TMEM182: variants seen among roughly 807,000 people sequenced by gnomAD.
The protein encoded by TMEM182 is transmembrane protein 182.
In TMEM182, 20 loss-of-function variants were observed where a neutral mutation model predicts 26.8. The ratio of observed to expected loss-of-function variants is 0.75; its 90% CI spans 0.53 to 1.09. The LOEUF is 1.09. Among genes scored for constraint, TMEM182 ranks in the 50% least tolerant of loss-of-function variants. The pLI, the probability that TMEM182 is intolerant of heterozygous loss-of-function variation, is 0.00. For missense variants in TMEM182, 277 were observed against 275.5 expected, an observed-to-expected ratio of 1.01 and a Z score of -0.04; for synonymous variants, 109 against 102.2, an observed-to-expected ratio of 1.07 and a Z score of -0.40.
chr2:102,799,813 G>T (rs1324786539), intron 4 of TMEM182, among the ~76,000 whole-genome samples: 3 of 152,160 alleles, frequency 2.0e-5, no homozygotes, highest in Non-Finnish European at 4.4e-5. Context: ...AGGTTTCGTG[G>T]CTGGCTTTGG....
chr2:102,817,808 T>A (rs969745331), downstream of TMEM182: 173 of 719,632 alleles, frequency 2.4e-4, 1 homozygote, highest in Admixed American at 1.3e-4. Flanking sequence ...AGAGATACAT[T>A]GAATGGTATA....
At chr2:102,839,799 C>T (rs1990587) in intron 3 of TMEM182, among the ~76,000 whole-genome samples, 1 of 152,160 alleles carries the variant, frequency 6.6e-6, no homozygotes, top group African/African-American at 2.4e-5. Context: ...GGTGCTATCA[C>T]TCTCAGCGTG....
rs1225442118 is a variant in TMEM182, at chr2:102,815,905, GC to G, written c.*940del. On this transcript the variant is annotated 3_prime_UTR_variant, in exon 5 of 5. Transcript: ENST00000412401. Reference sequence around the variant, plus strand: ...GTACTTCCATATGAGGATTATAATAGCCCTGCTTTATTAAAGACCATAAAAT... The same window carrying G: ...GTACTTCCATATGAGGATTATAATAGCCTGCTTTATTAAAGACCATAAAAT... 5.3e-6 allele frequency: 5 copies of G among 950,414 alleles called. No individual in the cohort carries two copies. Among genetic ancestry groups the G allele is most frequent in the Non-Finnish European group, 6.3e-6 (5 of 798,574 alleles). The allele number at this position is 950,414 out of a possible 1,614,324, so 58.9% of individuals were successfully genotyped here.
chr2:102,813,119 G>A (rs1682614164), intron 4 of TMEM182, among the ~76,000 whole-genome samples: 1 of 152,148 alleles, frequency 6.6e-6, no homozygotes, highest in Non-Finnish European at 1.5e-5. Context: ...TTTCTTATTA[G>A]CGAAGCATCT....
chr2:102,797,888 G>T lies in TMEM182; in HGVS notation c.357G>T (p.Leu119=), dbSNP rs1558777925. 8.7e-6 allele frequency: 14 copies of T among 1,613,780 alleles called. No homozygotes were observed. Among genetic ancestry groups the T allele is most frequent in the Non-Finnish European group, 1.2e-5 (14 of 1,179,938 alleles). Residue 119 remains leucine (L), a synonymous_variant, in exon 4 of 5, where the codon CTG becomes CTT. Coordinates refer to ENST00000412401, the MANE Select transcript of TMEM182 (RefSeq NM_144632.5). Reference sequence around the variant, plus strand: ...TTTACCGTGGTTTCTGGGCAGTCCTGATGCTCCTGGGGGTAGTTGCTGTAG... The same window carrying T: ...TTTACCGTGGTTTCTGGGCAGTCCTTATGCTCCTGGGGGTAGTTGCTGTAG... ...AVIYRGFWAV[L]MLLGVVAVVI...
intron 1 of TMEM182, among the ~76,000 whole-genome samples, chr2:102,756,139 G>A (rs1680023765): frequency 6.6e-6 from 1 of 152,348 alleles, no homozygotes; most frequent in East Asian, 1.9e-4. Flanking sequence ...ATTGGTGTGG[G>A]AGCAATGGGA....
chr2:102,810,177 G>A (rs1303837595), intron 4 of TMEM182, among the ~76,000 whole-genome samples: 2 of 151,996 alleles, frequency 1.3e-5, no homozygotes, highest in Non-Finnish European at 2.9e-5. Context: ...CAATAATAAA[G>A]CAGTTTGATA....
intron 3 of TMEM182, among the ~76,000 whole-genome samples, chr2:102,790,203 T>C (rs1027416712): frequency 7.2e-5 from 11 of 152,238 alleles, no homozygotes; most frequent in African/African-American, 2.7e-4. Context: ...GTTTGCTAAA[T>C]TAAGTGGCTT....
intron 3 of TMEM182, among the ~76,000 whole-genome samples, chr2:102,794,763 G>A (rs1681798729): frequency 6.6e-6 from 1 of 151,944 alleles, no homozygotes; most frequent in Admixed American, 6.6e-5. Flanking sequence ...TTATTATTAT[G>A]TGTCTTGACT....
chr2:102,757,169 C>T (rs3095521), upstream of TMEM182, among the ~76,000 whole-genome samples: 47,973 of 151,946 alleles, frequency 0.32, 8,456 homozygotes, highest in African/African-American at 0.48. Context: ...GGGGAGCAGA[C>T]CTGCTACCTA....
chr2:102,776,249 G>A (rs377241779), intron 3 of TMEM182, among the ~76,000 whole-genome samples: 34 of 152,156 alleles, frequency 2.2e-4, no homozygotes, highest in African/African-American at 8.2e-4. Context: ...TGACAAGTGT[G>A]TAATGGCATG....
At chr2:102,778,180 C>T (rs2732854) in intron 3 of TMEM182, among the ~76,000 whole-genome samples, 82,286 of 151,162 alleles carry the variant, frequency 0.54, 22,968 homozygotes, top group African/African-American at 0.66. Context: ...TCACTTATTT[C>T]ATAGCTCTGT....
At chr2:102,787,012 A>G (rs1681423345) in intron 3 of TMEM182, among the ~76,000 whole-genome samples, 1 of 152,228 alleles carries the variant, frequency 6.6e-6, no homozygotes, top group African/African-American at 2.4e-5. Context: ...TGAGGCATGG[A>G]GAAGCCAAGT....
chr2:102,786,448 C>T (rs555678254), intron 3 of TMEM182, among the ~76,000 whole-genome samples: 6 of 152,190 alleles, frequency 3.9e-5, no homozygotes, highest in South Asian at 2.1e-4. Flanking sequence ...CTCCTGACCT[C>T]GTGATCCACC....
At chr2:102,767,296 T>G (rs1332859625) in intron 3 of TMEM182, among the ~76,000 whole-genome samples, 1 of 152,218 alleles carries the variant, frequency 6.6e-6, no homozygotes, top group Non-Finnish European at 1.5e-5. Context: ...ATCTAGTTAT[T>G]TGAATGACTG....
chr2:102,749,262 C>T (rs1336809588), intron 1 of TMEM182, among the ~76,000 whole-genome samples: 1 of 152,068 alleles, frequency 6.6e-6, no homozygotes, highest in African/African-American at 2.4e-5. Context: ...AGTAGTGACA[C>T]ATTCTACAAC....
chr2:102,776,273 A>G (rs943337759), intron 3 of TMEM182, among the ~76,000 whole-genome samples: 2 of 152,208 alleles, frequency 1.3e-5, no homozygotes, highest in African/African-American at 4.8e-5. Flanking sequence ...CCACCATAGT[A>G]TCATACAGAT....
intron 3 of TMEM182, among the ~76,000 whole-genome samples, chr2:102,784,356 CTTT>C (rs11445295): frequency 6.8e-6 from 1 of 147,552 alleles, no homozygotes; most frequent in Admixed American, 6.8e-5. Context: ...GTTTTTCTAC[CTTT>C]TTTTTTTTGG....
intron 3 of TMEM182, among the ~76,000 whole-genome samples, chr2:102,770,802 A>G (rs1680641100): frequency 6.6e-6 from 1 of 152,212 alleles, no homozygotes; most frequent in Non-Finnish European, 1.5e-5. Flanking sequence ...AAAAACAGCC[A>G]CATCCACACA....
Sources: allele counts gnomAD v4.1 joint callset (sites outside exome capture counted in the v4.1 genomes callset), GRCh38; gene constraint gnomAD v4.1.1; transcripts MANE v1.5; gene names NCBI Gene and HGNC (gene_info 2026-07-23, HGNC 2026-07-21).